CCSER1: variants seen among roughly 807,000 people sequenced by gnomAD.
CCSER1 encodes the protein serine-rich coiled-coil domain-containing protein 1.
A neutral mutation model predicts 82.0 loss-of-function variants in CCSER1; 41 were observed. The ratio of observed to expected loss-of-function variants is 0.50; its 90% confidence interval spans 0.39 to 0.65. The LOEUF (loss-of-function observed/expected upper bound fraction) is 0.65, where lower values mean the gene tolerates loss of function less well. Among genes scored for constraint, CCSER1 ranks in the 30% least tolerant of loss-of-function variants. The pLI is 0.00. For missense variants in CCSER1, 1,119 were observed against 1,064.2 expected, an observed-to-expected ratio of 1.05 and a Z score of -0.72; for synonymous variants, 414 against 383.9, an observed-to-expected ratio of 1.08 and a Z score of -0.92.
Position 90,609,482 on chromosome 4 carries a change from A to G in CCSER1, c.1725-18543A>G, listed in dbSNP as rs938176190. 5.2e-4 allele frequency among the ~76,000 whole-genome samples: 25 copies of G among 48,120 alleles called. No homozygotes were observed. The African/African-American group carries it at 0.011, about 22-fold the overall frequency. 31.6% of individuals were successfully genotyped at this position (48,120 alleles called of 152,430 possible). On this transcript the variant is annotated intron_variant, in intron 5 of 10. Transcript: ENST00000509176. ...AAGTCTATATAGTTTTCCTTTTGAT[A>G]GAACAAAACTTATTCTGAAAGAATA...
chr4:90,268,932 G>C (rs909926460), intron 1 of CCSER1, among the ~76,000 whole-genome samples: 43 of 151,834 alleles, frequency 2.8e-4, no homozygotes, highest in African/African-American at 1.0e-3. Context: ...TCTAAACAAA[G>C]ACTACAAAAA....
chr4:91,284,782 G>A (rs1438245449), intron 10 of CCSER1, among the ~76,000 whole-genome samples: 1 of 151,994 alleles, frequency 6.6e-6, no homozygotes, highest in East Asian at 1.9e-4. Flanking sequence ...TGATGTTAAA[G>A]GTGATTCAAA....
At chr4:90,920,763 G>A (rs1181535938) in intron 8 of CCSER1, among the ~76,000 whole-genome samples, 1 of 151,704 alleles carries the variant, frequency 6.6e-6, no homozygotes, top group Non-Finnish European at 1.5e-5. Context: ...TTCATAGAAA[G>A]GGATATATTT....
chr4:90,459,209 C>A (rs1440268340), intron 4 of CCSER1, among the ~76,000 whole-genome samples: 5 of 151,882 alleles, frequency 3.3e-5, no homozygotes, highest in African/African-American at 1.2e-4. Context: ...AAGGAGGGAA[C>A]CATAATGACA....
At chr4:91,583,562 A>G (rs1462389829) in intron 10 of CCSER1, among the ~76,000 whole-genome samples, 1 of 151,460 alleles carries the variant, frequency 6.6e-6, no homozygotes, top group South Asian at 2.1e-4. Context: ...GTTCCTTGAC[A>G]TTTGAAAATA....
intron 10 of CCSER1, among the ~76,000 whole-genome samples, chr4:91,205,550 C>G (rs1026343892): frequency 1.3e-5 from 2 of 151,588 alleles, no homozygotes; most frequent in African/African-American, 4.8e-5. Context: ...TCTCAGTTTT[C>G]TTCTTAAATT....
At chr4:90,191,251 T>C (rs2153396566) in intron 1 of CCSER1, among the ~76,000 whole-genome samples, 1 of 152,004 alleles carries the variant, frequency 6.6e-6, no homozygotes, top group Non-Finnish European at 1.5e-5. Flanking sequence ...TCTTTCTCCC[T>C]GTGTTTCGGG....
At chr4:91,586,825 A>G (rs1439567805) in intron 10 of CCSER1, among the ~76,000 whole-genome samples, 1 of 151,620 alleles carries the variant, frequency 6.6e-6, no homozygotes, top group Non-Finnish European at 1.5e-5. Context: ...TGCTCTTTTG[A>G]TTTTTATTTA....
At chr4:90,157,707 C>A (rs1266999847) in intron 1 of CCSER1, among the ~76,000 whole-genome samples, 1 of 135,540 alleles carries the variant, frequency 7.4e-6, no homozygotes. Context: ...GTTCTTGAGC[C>A]TTGGCTTTCA....
chr4:90,801,704 A>T (rs189106995), intron 7 of CCSER1, among the ~76,000 whole-genome samples: 1 of 152,328 alleles, frequency 6.6e-6, no homozygotes, highest in Non-Finnish European at 1.5e-5. Context: ...TAAATTAATA[A>T]ATGCCATTTA....
intron 1 of CCSER1, among the ~76,000 whole-genome samples, chr4:90,302,570 G>T (rs1249360806): frequency 6.6e-6 from 1 of 152,166 alleles, no homozygotes. Flanking sequence ...GGACACCGAG[G>T]CAGGAGGATT....
intron 10 of CCSER1, among the ~76,000 whole-genome samples, chr4:91,380,317 T>C (rs2149336429): frequency 6.6e-6 from 1 of 152,238 alleles, no homozygotes; most frequent in South Asian, 2.1e-4. Flanking sequence ...ACTTTCTGTC[T>C]CATTGATCTG....
intron 5 of CCSER1, among the ~76,000 whole-genome samples, chr4:90,536,593 A>G (rs1287638360): frequency 6.6e-6 from 1 of 152,142 alleles, no homozygotes; most frequent in Non-Finnish European, 1.5e-5. Context: ...CTGTACCTTG[A>G]CCTTGATTAC....
At chr4:90,447,334 C>T (rs1347648307) in intron 4 of CCSER1, among the ~76,000 whole-genome samples, 8 of 150,530 alleles carry the variant, frequency 5.3e-5, no homozygotes, top group Non-Finnish European at 1.2e-4. Context: ...TTGTGGTCTT[C>T]CTGGGGAAAA....
At chr4:90,727,198 T>C in intron 7 of CCSER1, 1 of 454,560 alleles carries the variant, frequency 2.2e-6, no homozygotes, top group South Asian at 1.6e-5. Context: ...TGTTGTTTTT[T>C]AATAGAATAT....
At chr4:90,926,627 A>G (rs7679144) in intron 9 of CCSER1, among the ~76,000 whole-genome samples, 16,924 of 152,072 alleles carry the variant, frequency 0.11, 1,255 homozygotes, top group Admixed American at 0.2. Context: ...TTAGTTTACA[A>G]TGTGCTCTGA....
chr4:91,374,863 GT>G (rs1560621598), intron 10 of CCSER1, among the ~76,000 whole-genome samples: 1 of 152,140 alleles, frequency 6.6e-6, no homozygotes, highest in Non-Finnish European at 1.5e-5. Flanking sequence ...AGGCATGGTG[GT>G]GCACACCTGT....
At chr4:91,487,691 T>C (rs1481867198) in intron 10 of CCSER1, among the ~76,000 whole-genome samples, 4 of 152,118 alleles carry the variant, frequency 2.6e-5, no homozygotes. Flanking sequence ...TAATTTCCTT[T>C]AAATGGAATT....
At chr4:91,535,868 G>T (rs896196624) in intron 10 of CCSER1, among the ~76,000 whole-genome samples, 1 of 151,972 alleles carries the variant, frequency 6.6e-6, no homozygotes, top group African/African-American at 2.4e-5. Context: ...TGCTTACAGG[G>T]TACTTATAAA....
Sources: gnomAD v4.1 joint callset for allele counts (sites outside exome capture counted in the v4.1 genomes callset) on GRCh38, gnomAD v4.1.1 for gene constraint, MANE v1.5 for transcripts, NCBI Gene and HGNC (gene_info 2026-07-23, HGNC 2026-07-21) for gene names.